The following XRCC4 variants were observed in gnomAD, a reference collection of about 807,000 sequenced individuals.
XRCC4 encodes the protein DNA repair protein XRCC4.
Under a neutral mutation model 39.1 loss-of-function variants are expected in XRCC4, and 28 were observed. That is an observed-to-expected ratio of 0.72 (90% confidence interval 0.53 to 0.98). XRCC4 has a LOEUF of 0.98. Among genes scored for constraint, XRCC4 ranks in the 50% least tolerant of loss-of-function variants. XRCC4 has a pLI of 0.00. For missense variants in XRCC4, 350 were observed against 376.4 expected, an observed-to-expected ratio of 0.93 and a Z score of 0.58; for synonymous variants, 123 against 126.4, an observed-to-expected ratio of 0.97 and a Z score of 0.18.
chr5:83,203,722 T>A lies in XRCC4; in HGVS notation c.638+15T>A, dbSNP rs1751307287. On this transcript the variant is annotated intron_variant, in intron 5 of 7. Transcript: ENST00000396027. ...AAACAAGAAGGGTATTTTCGCTATC[T>A]TGTTTTTGGATGACAGATGAATACA... is the stretch of plus-strand genomic sequence containing the variant. The A allele has an allele frequency of 1.2e-6, 2 of 1,607,530 alleles. No individual in the cohort carries two copies. The highest frequency in any genetic ancestry group is 2.7e-5 in the African/African-American group (2 of 74,570).
At chr5:83,200,755 T>C (rs1203617322) in intron 4 of XRCC4, among the ~76,000 whole-genome samples, 1 of 152,178 alleles carries the variant, frequency 6.6e-6, no homozygotes, top group Non-Finnish European at 1.5e-5. Context: ...TTTTCACATA[T>C]TGGTTTTTAC....
chr5:83,332,056 G>A (rs1756451948), intron 7 of XRCC4, among the ~76,000 whole-genome samples: 3 of 152,118 alleles, frequency 2.0e-5, no homozygotes, highest in African/African-American at 4.8e-5. Flanking sequence ...TTACATGGAA[G>A]CATCTGGTTC....
intron 3 of XRCC4, among the ~76,000 whole-genome samples, chr5:83,146,142 G>A (rs543021865): frequency 2.0e-5 from 3 of 152,184 alleles, no homozygotes; most frequent in Non-Finnish European, 2.9e-5. Context: ...AGTCATGCCT[G>A]TATTTGAAAA....
intron 6 of XRCC4, among the ~76,000 whole-genome samples, chr5:83,251,782 C>T (rs929957377): frequency 5.3e-5 from 8 of 152,156 alleles, no homozygotes; most frequent in Middle Eastern, 3.4e-3. Context: ...AGGAGGCTGA[C>T]ATTTGGGAAA....
At chr5:83,346,280 C>T (rs567932472) in intron 7 of XRCC4, among the ~76,000 whole-genome samples, 2 of 152,206 alleles carry the variant, frequency 1.3e-5, no homozygotes, top group Middle Eastern at 3.4e-3. Context: ...ACTGGAAGAG[C>T]TCTAAGATCA....
At chr5:83,301,038 CAT>C (rs1435619643) in intron 7 of XRCC4, among the ~76,000 whole-genome samples, 7 of 152,126 alleles carry the variant, frequency 4.6e-5, no homozygotes, top group African/African-American at 1.7e-4. Flanking sequence ...CTGCAATAAA[CAT>C]ATGTGTGCGT....
At chr5:83,209,088 G>GTA (rs1263269342) in intron 6 of XRCC4, among the ~76,000 whole-genome samples, 2 of 55,956 alleles carry the variant, frequency 3.6e-5, no homozygotes, top group Non-Finnish European at 7.9e-5. Context: ...AAGTGAGTGT[G>GTA]TGTGTGTGTG....
chr5:83,184,423 G>C (rs2112661202), intron 3 of XRCC4, among the ~76,000 whole-genome samples: 2 of 152,000 alleles, frequency 1.3e-5, no homozygotes, highest in East Asian at 3.9e-4. Flanking sequence ...CATGGGGGAG[G>C]GGTGGTGGAG....
intron 7 of XRCC4, among the ~76,000 whole-genome samples, chr5:83,328,992 C>T (rs188648459): frequency 3.5e-4 from 53 of 152,022 alleles, no homozygotes; most frequent in Non-Finnish European, 5.9e-4. Context: ...GACTGGACTC[C>T]AACAACTCCT....
At chr5:83,091,509 A>G (rs1368705141) in intron 1 of XRCC4, among the ~76,000 whole-genome samples, 5 of 152,184 alleles carry the variant, frequency 3.3e-5, no homozygotes, top group African/African-American at 1.2e-4. Context: ...AAACCATATC[A>G]ACTGCCCATC....
At chr5:83,289,815 T>C (rs1478665035) in intron 7 of XRCC4, among the ~76,000 whole-genome samples, 2 of 151,778 alleles carry the variant, frequency 1.3e-5, no homozygotes, top group African/African-American at 4.8e-5. Flanking sequence ...TCCTAGAGAA[T>C]AGGCCTTTGT....
chr5:83,089,234 T>C (rs1005275220), intron 1 of XRCC4, among the ~76,000 whole-genome samples: 2 of 152,230 alleles, frequency 1.3e-5, no homozygotes, highest in African/African-American at 2.4e-5. Flanking sequence ...TCTAACAGAA[T>C]AGTACTAGAA....
intron 6 of XRCC4, among the ~76,000 whole-genome samples, chr5:83,248,905 CAT>C (rs1006527726): frequency 1.6e-4 from 25 of 152,074 alleles, no homozygotes; most frequent in Admixed American, 4.6e-4. Context: ...ATAAAGAAAA[CAT>C]GTGGATGTTT....
At chr5:83,081,014 G>A (rs1379818251) in intron 1 of XRCC4, among the ~76,000 whole-genome samples, 1 of 152,126 alleles carries the variant, frequency 6.6e-6, no homozygotes, top group African/African-American at 2.4e-5. Flanking sequence ...CATTATAAAA[G>A]CTTAGTTAAG....
chr5:83,329,572 C>G (rs1279553272), intron 7 of XRCC4, among the ~76,000 whole-genome samples: 1 of 152,072 alleles, frequency 6.6e-6, no homozygotes, highest in Non-Finnish European at 1.5e-5. Flanking sequence ...ACAAGAGAAA[C>G]TTTTCAGTAG....
At chr5:83,153,368 C>T (rs760406646) in intron 3 of XRCC4, among the ~76,000 whole-genome samples, 24 of 151,996 alleles carry the variant, frequency 1.6e-4, no homozygotes, top group Admixed American at 1.3e-3. Context: ...ACCACAATGC[C>T]CGGCTAATTT....
intron 6 of XRCC4, among the ~76,000 whole-genome samples, chr5:83,208,392 T>A (rs1469131027): frequency 2.0e-5 from 3 of 152,054 alleles, no homozygotes; most frequent in African/African-American, 7.2e-5. Context: ...GGTATGGTAA[T>A]TCATTCACAA....
Position 83,129,180 on chromosome 5 carries a change from A to T in XRCC4, c.315+17977A>T, listed in dbSNP as rs1426755970. On this transcript the variant is annotated intron_variant, in intron 3 of 7. Coordinates refer to ENST00000396027, the MANE Select transcript of XRCC4 (RefSeq NM_003401.5). ...AGGTGTAAGGAAGGGACCCAGTTTC[A>T]GCTTTCTACATATGGCTAGCCAGTT... is the stretch of plus-strand genomic sequence containing the variant. Among the ~76,000 whole-genome samples, 4 of 144,642 alleles carry T rather than the reference A, an allele frequency of 2.8e-5. No homozygotes were observed. The East Asian group carries it at 7.9e-4, about 28-fold the overall frequency. 94.9% of individuals were successfully genotyped at this position (144,642 alleles called of 152,430 possible).
intron 3 of XRCC4, among the ~76,000 whole-genome samples, chr5:83,143,078 A>G (rs949141310): frequency 6.6e-6 from 1 of 152,174 alleles, no homozygotes; most frequent in Admixed American, 6.5e-5. Flanking sequence ...ATGAAAAATG[A>G]TAACCTTTTC....
Sources: gnomAD v4.1 joint callset for allele counts (sites outside exome capture counted in the v4.1 genomes callset) on GRCh38, gnomAD v4.1.1 for gene constraint, MANE v1.5 for transcripts, NCBI Gene and HGNC (gene_info 2026-07-23, HGNC 2026-07-21) for gene names.